The following PER3 variants were observed in gnomAD, a reference collection of about 807,000 sequenced individuals.
The protein encoded by PER3 is period circadian protein homolog 3.
Under a neutral mutation model 127.2 loss-of-function variants are expected in PER3, and 107 were observed. That is an observed-to-expected ratio of 0.84 (90% confidence interval 0.72 to 0.99). PER3 has a LOEUF of 0.99. PER3 is among the 50% of genes least tolerant of loss of function. PER3 has a pLI of 0.00. For missense variants in PER3, 1,560 were observed against 1,525.8 expected, an observed-to-expected ratio of 1.02 and a Z score of -0.37; for synonymous variants, 618 against 585.8, an observed-to-expected ratio of 1.05 and a Z score of -0.79.
At chr1:7,794,754 G>C (rs1485194491) in intron 6 of PER3, among the ~76,000 whole-genome samples, 1 of 151,870 alleles carries the variant, frequency 6.6e-6, no homozygotes, top group African/African-American at 2.4e-5. Flanking sequence ...GAAGAAAACA[G>C]ATGAAAATTT....
At chr1:7,804,199 A>G (rs574229516) in intron 10 of PER3, among the ~76,000 whole-genome samples, 1 of 152,286 alleles carries the variant, frequency 6.6e-6, no homozygotes, top group African/African-American at 2.4e-5. Context: ...CTATGATTAT[A>G]ATTATGTTTA....
At chr1:7,831,159 C>G (rs545365575) in intron 19 of PER3, among the ~76,000 whole-genome samples, 1 of 152,140 alleles carries the variant, frequency 6.6e-6, no homozygotes, top group South Asian at 2.1e-4. Context: ...TAGTTTTCAG[C>G]CTACAACCCT....
At chr1:7,799,418 C>T (rs538873491) in intron 7 of PER3, among the ~76,000 whole-genome samples, 22 of 152,132 alleles carry the variant, frequency 1.4e-4, no homozygotes, top group African/African-American at 3.9e-4. Flanking sequence ...GCCTGGCCAA[C>T]GTGATGAAAC....
intron 4 of PER3, 146 bp downstream of exon 4, chr1:7,786,982 T>C (rs2097094538): frequency 6.5e-6 from 4 of 619,120 alleles, no homozygotes; most frequent in African/African-American, 1.8e-5. Context: ...AGGCATGGTG[T>C]AGCTTCTCCG....
chr1:7,786,835 CAGTA>C lies in PER3; in HGVS notation c.390+2_390+5del. 6.4e-7 allele frequency: 1 copy of C among 1,557,816 alleles called. No individual in the cohort carries two copies. The highest frequency in any genetic ancestry group is 8.9e-7 in the Non-Finnish European group (1 of 1,128,724). On this transcript the variant is annotated splice_donor_variant and splice_donor_region_variant and coding_sequence_variant and intron_variant, in exon 4 of 22. Coordinates refer to ENST00000377532, the MANE Select transcript of PER3 (RefSeq NM_001377275.1). LOFTEE classifies it high-confidence loss of function. ...GCTTCAGAACACACTTCCAAAAACA[CAGTA>C]AGAATTCATGCATTTTGCCATATCA...
chr1:7,789,412 T>C (rs962062994), intron 5 of PER3, among the ~76,000 whole-genome samples: 2 of 152,168 alleles, frequency 1.3e-5, no homozygotes, highest in Admixed American at 6.5e-5. Flanking sequence ...GCTTTAAAAA[T>C]GGGAGTTTCT....
chr1:7,826,661 C>G lies in PER3; in HGVS notation c.2139C>G (p.Ser713=). ...AGATCCTGTCATCACCCTACAGCTC[C>G]TATCTTCAGCAAGAAAGCAGGAGCA... ...REKILSSPYS[S]YLQQESRSKA... is the part of the protein sequence containing the mutation. Residue 713 remains serine (S), a synonymous_variant, in exon 17 of 22, where the codon TCC becomes TCG. Transcript: ENST00000377532. This position sits in a 1 kb window ranked among gnomAD's most constrained non-coding sequence, Gnocchi z 4.2. The G allele has an allele frequency of 6.2e-7, 1 of 1,613,398 alleles. No homozygotes were observed.
intron 4 of PER3, 139 bp downstream of exon 4, chr1:7,786,975 C>T (rs1383736599): frequency 3.2e-6 from 2 of 627,898 alleles, no homozygotes; most frequent in African/African-American, 1.8e-5. Context: ...GCTAAAGAGG[C>T]ATGGTGTAGC....
In PER3 at chr1:7,842,543, C is replaced by T. The variant is rs916365951; in HGVS notation, c.3550-129C>T. On this transcript the variant is annotated intron_variant, in intron 21 of 21. Transcript: ENST00000377532. ...AGTTATAATAATAATAAAGAATGAA[C>T]TATAATGAAATATTTTCAGACATGA... is the stretch of plus-strand genomic sequence containing the variant. 1.2e-5 allele frequency: 11 copies of T among 903,976 alleles called. 1 individual carries two copies. Among genetic ancestry groups the T allele is most frequent in the Non-Finnish European group, 1.7e-5 (11 of 663,482 alleles). 56.0% of individuals were successfully genotyped at this position (903,976 alleles called of 1,614,324 possible). A position where few individuals can be genotyped will look rare whatever the true frequency, so the allele number is the denominator to read the frequency against.
intron 14 of PER3, among the ~76,000 whole-genome samples, chr1:7,819,676 A>G (rs745510332): frequency 2.6e-5 from 4 of 152,222 alleles, no homozygotes; most frequent in Non-Finnish European, 4.4e-5. Context: ...TAAATGGTGT[A>G]AGGCAAGCTT....
At chr1:7,839,323 TTAAA>T (rs1413787945) in intron 21 of PER3, among the ~76,000 whole-genome samples, 1 of 152,214 alleles carries the variant, frequency 6.6e-6, no homozygotes, top group Non-Finnish European at 1.5e-5. Flanking sequence ...CATTAATCTA[TTAAA>T]TAATATAGAA....
intron 13 of PER3, among the ~76,000 whole-genome samples, chr1:7,815,733 C>T (rs2097245541): frequency 6.6e-6 from 1 of 151,956 alleles, no homozygotes; most frequent in Admixed American, 6.6e-5. Context: ...CGCCTGTAAT[C>T]CCAGCACTTT....
intron 13 of PER3, among the ~76,000 whole-genome samples, chr1:7,815,751 C>A (rs1030383069): frequency 6.6e-6 from 1 of 151,154 alleles, no homozygotes; most frequent in Non-Finnish European, 1.5e-5. Flanking sequence ...TTTAGGGGGC[C>A]GAGGTGGGCA....
intron 5 of PER3, among the ~76,000 whole-genome samples, 180 bp from the exon 6 acceptor site, chr1:7,793,777 G>C (rs1038900730): frequency 1.3e-5 from 2 of 152,028 alleles, no homozygotes; most frequent in African/African-American, 4.8e-5. Flanking sequence ...ACCAATACTA[G>C]TATTTCCCAA....
chr1:7,836,329 C>T (rs2097358402), intron 20 of PER3, among the ~76,000 whole-genome samples: 1 of 152,108 alleles, frequency 6.6e-6, no homozygotes, highest in Non-Finnish European at 1.5e-5. Context: ...AGGTATGCAC[C>T]ACCACACCAA....
At chr1:7,787,171 G>A in intron 4 of PER3, 1 of 524,570 alleles carries the variant, frequency 1.9e-6, no homozygotes, top group Non-Finnish European at 2.6e-6. Flanking sequence ...TCTCCGAATT[G>A]TTAATTTCTA....
intron 12 of PER3, 166 bp downstream of exon 12, chr1:7,810,187 TATC>T (rs573249974): frequency 1.4e-6 from 1 of 728,456 alleles, no homozygotes; most frequent in South Asian, 1.9e-5. Context: ...AAAAAGAAAA[TATC>T]ACCTTTGGAA....
rs555956466 is a variant in PER3 at position 7,806,379 on chromosome 1, C to T, written c.1137-2514C>T. Among the ~76,000 whole-genome samples the T allele has an allele frequency of 8.2e-4, 125 of 152,260 alleles. 2 individuals carry two copies. Among genetic ancestry groups the T allele is most frequent in the African/African-American group, 2.9e-3 (119 of 41,552 alleles). On this transcript the variant is annotated intron_variant, in intron 10 of 21. Transcript: ENST00000377532. ...CTGCAGCCAAGTTTTCTCTCTTACT[C>T]CTACTTCACTTCACATACACAGCAA...
intron 10 of PER3, among the ~76,000 whole-genome samples, chr1:7,807,663 T>A (rs924590264): frequency 3.3e-5 from 5 of 152,110 alleles, no homozygotes; most frequent in Non-Finnish European, 5.9e-5. Context: ...AATTCCTACT[T>A]TCTGGGTTGT....
Sources: gnomAD v4.1 joint callset for allele counts (sites outside exome capture counted in the v4.1 genomes callset) on GRCh38, gnomAD v4.1.1 for gene constraint, Gnocchi (gnomAD v3.1) non-coding constraint, MANE v1.5 for transcripts, NCBI Gene and HGNC (gene_info 2026-07-23, HGNC 2026-07-21) for gene names.